Variants in COL19A1 observed in about 807,000 individuals in gnomAD.
COL19A1 encodes collagen alpha-1(XIX) chain.
A neutral mutation model predicts 190.2 loss-of-function variants in COL19A1; 159 were observed. The ratio of observed to expected loss-of-function variants is 0.84; its 90% confidence interval spans 0.73 to 0.95. COL19A1 has a LOEUF of 0.95. Ranked by LOEUF, COL19A1 falls within the 40% of genes least tolerant of loss-of-function variation. COL19A1 has a pLI of 0.00. For missense variants in COL19A1, 1,418 were observed against 1,431.9 expected (o/e 0.99, Z 0.16); for synonymous variants, 509 against 458.9 (o/e 1.11, Z -1.39).
At chr6:70,148,863 GT>G (rs1786847234) in intron 27 of COL19A1, among the ~76,000 whole-genome samples, 1 of 151,908 alleles carries the variant, frequency 6.6e-6, no homozygotes, top group South Asian at 2.1e-4. Context: ...GGAGGCGGAG[GT>G]TGCAGTGAGC....
At chr6:70,100,212 A>G (rs1305544481) in intron 15 of COL19A1, among the ~76,000 whole-genome samples, 1 of 152,194 alleles carries the variant, frequency 6.6e-6, no homozygotes, top group African/African-American at 2.4e-5. Context: ...CCTAGATACC[A>G]TTGATTTAGT....
intron 42 of COL19A1, among the ~76,000 whole-genome samples, chr6:70,178,361 G>A (rs1445569448): frequency 6.6e-6 from 1 of 152,112 alleles, no homozygotes; most frequent in Non-Finnish European, 1.5e-5. Context: ...GGGCAACAGA[G>A]CAAGACCCTG....
At chr6:70,165,184 A>T (rs1319880228) in intron 36 of COL19A1, among the ~76,000 whole-genome samples, 4 of 152,230 alleles carry the variant, frequency 2.6e-5, no homozygotes, top group Non-Finnish European at 5.9e-5. Context: ...GAGACACCAG[A>T]GGGACTTCAA....
chr6:70,047,959 AT>A (rs1371409258), intron 14 of COL19A1, among the ~76,000 whole-genome samples: 1 of 152,116 alleles, frequency 6.6e-6, no homozygotes, highest in Non-Finnish European at 1.5e-5. Context: ...TCCTAGGAAA[AT>A]GGCTGTGTTG....
intron 1 of COL19A1, among the ~76,000 whole-genome samples, chr6:69,877,098 C>G (rs932268139): frequency 1.3e-5 from 2 of 152,142 alleles, no homozygotes; most frequent in Non-Finnish European, 2.9e-5. Context: ...AATTTAGACA[C>G]TGGTATAATG....
chr6:70,129,165 A>G (rs1278493747), intron 17 of COL19A1, among the ~76,000 whole-genome samples: 1 of 152,234 alleles, frequency 6.6e-6, no homozygotes, highest in Non-Finnish European at 1.5e-5. Context: ...TGTCTTGGTC[A>G]GTGGACGCAA....
chr6:69,992,704 C>T lies in COL19A1; in HGVS notation c.1026+29834C>T, dbSNP rs187319452. 2.9e-3 allele frequency among the ~76,000 whole-genome samples: 443 copies of T among 151,940 alleles called. 1 individual carries two copies. The highest frequency in any genetic ancestry group is 3.2e-3 in the Non-Finnish European group (220 of 67,910). ...TGGCCCTATTCCCAGGTATTTTATTCTTTTTGTTGCTACTCTGAAAGGGAC... is the reference window on the plus strand; with the variant it reads ...TGGCCCTATTCCCAGGTATTTTATTTTTTTTGTTGCTACTCTGAAAGGGAC... On this transcript the variant is annotated intron_variant, in intron 11 of 50. Transcript: ENST00000620364.
chr6:70,058,190 T>A (rs1490173868), intron 14 of COL19A1, among the ~76,000 whole-genome samples: 1 of 151,954 alleles, frequency 6.6e-6, no homozygotes, highest in Non-Finnish European at 1.5e-5. Flanking sequence ...TCAAAAAACA[T>A]GGGAAAAGAT....
chr6:70,035,136 AC>A (rs1342205571), intron 13 of COL19A1, among the ~76,000 whole-genome samples: 1 of 152,224 alleles, frequency 6.6e-6, no homozygotes, highest in Non-Finnish European at 1.5e-5. Flanking sequence ...CCCACGCTAT[AC>A]AGTACAGGGC....
chr6:70,033,609 T>C (rs1779188085), intron 12 of COL19A1, among the ~76,000 whole-genome samples: 2 of 152,106 alleles, frequency 1.3e-5, no homozygotes, highest in Non-Finnish European at 2.9e-5. Context: ...CATTAAAACA[T>C]CCAACAGTCC....
chr6:70,130,212 A>G lies in COL19A1; in HGVS notation c.1372A>G (p.Lys458Glu). The change falls in exon 18 of 51, where the codon AAA becomes GAA. Residue 458 changes from lysine to glutamate, a missense_variant. Lys to Glu is a moderately conservative substitution (Grantham distance 56). Transcript: ENST00000620364. ...TGATGAACATGAAGCTGGAGGCCTG[A>G]AAGGAGACAAGGTAATCAGATTTTT... is the stretch of plus-strand genomic sequence containing the variant. Reference protein sequence around the residue: ...GNDEHEAGGLKGDKGETGLPG... With the variant: ...GNDEHEAGGLEGDKGETGLPG... 1 of 1,612,996 alleles carries G rather than the reference A, an allele frequency of 6.2e-7. No individual in the cohort carries two copies.
chr6:70,141,040 TTC>T, intron 20 of COL19A1, 51 bp downstream of exon 20: 1 of 1,507,738 alleles, frequency 6.6e-7, no homozygotes, highest in South Asian at 1.2e-5. Context: ...ATTGATTTGT[TTC>T]TCTCTGATTT....
intron 48 of COL19A1, among the ~76,000 whole-genome samples, chr6:70,198,413 G>C (rs1328789338): frequency 6.6e-6 from 1 of 152,094 alleles, no homozygotes; most frequent in Non-Finnish European, 1.5e-5. Context: ...AAATTACTAA[G>C]AGATTTTTGA....
chr6:70,026,241 T>C (rs1226701194), intron 12 of COL19A1, among the ~76,000 whole-genome samples: 1 of 152,220 alleles, frequency 6.6e-6, no homozygotes, highest in Non-Finnish European at 1.5e-5. Flanking sequence ...GGCTTTTTAA[T>C]TAATCAACTG....
chr6:69,917,992 G>A (rs1403293324), intron 4 of COL19A1, among the ~76,000 whole-genome samples: 1 of 152,144 alleles, frequency 6.6e-6, no homozygotes, highest in Non-Finnish European at 1.5e-5. Flanking sequence ...AGAGGAAACA[G>A]GAAGTACAAA....
intron 24 of COL19A1, among the ~76,000 whole-genome samples, 154 bp downstream of exon 24, chr6:70,144,417 A>G (rs1388262081): frequency 1.3e-5 from 2 of 152,182 alleles, no homozygotes; most frequent in African/African-American, 2.4e-5. Context: ...AGAGTTGTGC[A>G]TTTGGCAGCC....
chr6:70,091,542 GC>G (rs1391480388), intron 15 of COL19A1, among the ~76,000 whole-genome samples: 1 of 121,108 alleles, frequency 8.3e-6, no homozygotes, highest in African/African-American at 3.2e-5. Context: ...ACAGCGAAAA[GC>G]CAGCAGGTGA....
chr6:70,101,514 C>T (rs1384441208), intron 15 of COL19A1, among the ~76,000 whole-genome samples: 1 of 152,038 alleles, frequency 6.6e-6, no homozygotes, highest in Non-Finnish European at 1.5e-5. Flanking sequence ...AAGAATTATA[C>T]ATTTTACTTC....
intron 9 of COL19A1, among the ~76,000 whole-genome samples, chr6:69,955,533 G>T (rs1330242377): frequency 6.7e-6 from 1 of 150,326 alleles, no homozygotes; most frequent in East Asian, 1.9e-4. Context: ...GTGTGTGTGT[G>T]TGTGTGTGTG....
Sources: allele counts gnomAD v4.1 joint callset (sites outside exome capture counted in the v4.1 genomes callset), GRCh38; gene constraint gnomAD v4.1.1; transcripts MANE v1.5; gene names NCBI Gene and HGNC (gene_info 2026-07-23, HGNC 2026-07-21).